The following FOXJ3 variants were observed in gnomAD, a reference collection of about 807,000 sequenced individuals.
FOXJ3 encodes the protein forkhead box J3, also known as forkhead box protein J3.
A neutral mutation model predicts 76.1 loss-of-function variants in FOXJ3; 22 were observed. That is an observed-to-expected ratio of 0.29 (90% CI 0.21 to 0.41). FOXJ3 has a LOEUF of 0.41. Ranked by LOEUF, FOXJ3 falls within the 10% of genes least tolerant of loss-of-function variation. The pLI is 1.00. For synonymous variants in FOXJ3, 269 were observed against 261.2 expected (o/e 1.03, Z -0.29); for missense variants, 613 against 762.1 (o/e 0.80, Z 2.30).
chr1:42,201,220 T>A (rs914100412), intron 6 of FOXJ3, among the ~76,000 whole-genome samples: 1 of 152,230 alleles, frequency 6.6e-6, no homozygotes, highest in African/African-American at 2.4e-5. Flanking sequence ...TTCCAAACTT[T>A]ATGCTTTTTA....
intron 5 of FOXJ3, among the ~76,000 whole-genome samples, chr1:42,214,982 T>TG (rs1011588976): frequency 2.0e-5 from 3 of 152,228 alleles, no homozygotes; most frequent in African/African-American, 7.2e-5. Context: ...AAGCTTACAG[T>TG]GTAACACAGT....
In FOXJ3 at chr1:42,179,840, G is replaced by C; in HGVS notation, c.1754-15C>G. 1 of 1,536,626 alleles carries C rather than the reference G, an allele frequency of 6.5e-7. No homozygotes were observed. ...TCTGTGATGGCCTGGAAGGAAAGAG[G>C]CAATAATAGCAGCGACTTGGGTAGA... On this transcript the variant is annotated splice_polypyrimidine_tract_variant and intron_variant, in intron 12 of 12. Coordinates refer to ENST00000361346, the MANE Select transcript of FOXJ3 (RefSeq NM_014947.5).
chr1:42,257,737 C>CA lies in FOXJ3; in HGVS notation c.444+7377dup, dbSNP rs10660267. On this transcript the variant is annotated intron_variant, in intron 4 of 12. Coordinates refer to ENST00000361346, the MANE Select transcript of FOXJ3 (RefSeq NM_014947.5). ...TGGGTGATGGAGTGAGACTCTGTCT[C>CA]AAAAAAAAAAAAAGAAAGAAAAGAA... 1.7e-3 allele frequency among the ~76,000 whole-genome samples: 224 copies of CA among 131,938 alleles called. 7 individuals carry two copies. Among genetic ancestry groups the CA allele is most frequent in the East Asian group, 4.1e-3 (19 of 4,610 alleles). The allele number at this position is 131,938 out of a possible 152,430, so 86.6% of individuals were successfully genotyped here.
intron 1 of FOXJ3, among the ~76,000 whole-genome samples, chr1:42,328,676 ATT>A (rs35507698): frequency 0.12 from 13,621 of 115,072 alleles, 480 homozygotes; most frequent in Admixed American, 0.19. Context: ...TACTTATCCT[ATT>A]TTTTTTTTTT....
At position 42,199,104 on chromosome 1, in the gene FOXJ3, G is replaced by T. The variant is rs781406326; in HGVS notation, c.757C>A (p.Pro253Thr). The T allele has an allele frequency of 5.0e-6, 8 of 1,612,374 alleles. No homozygotes were observed. The highest frequency in any genetic ancestry group is 6.8e-6 in the Non-Finnish European group (8 of 1,178,588). ...NSVGSVHSYT[P>T]VTSHPESVSQ... is the part of the protein sequence containing the mutation. ...ATGTTAACTTCATCAAGACTTACCG[G>T]TGTATAACTATGCACACTTCCAACA... The change falls in exon 7 of 13, where the codon CCG becomes ACG. Residue 253 changes from proline (P) to threonine (T), a missense_variant and splice_region_variant. By Grantham distance (38) the Pro-to-Thr change is conservative (BLOSUM62 -1). Transcript: ENST00000361346.
chr1:42,317,225 T>A (rs1655169857), intron 1 of FOXJ3, among the ~76,000 whole-genome samples: 1 of 152,116 alleles, frequency 6.6e-6, no homozygotes, highest in African/African-American at 2.4e-5. Flanking sequence ...TTTCAGATTA[T>A]TATACCATTA....
chr1:42,289,050 T>C (rs1353138500), intron 2 of FOXJ3, among the ~76,000 whole-genome samples: 1 of 152,064 alleles, frequency 6.6e-6, no homozygotes, highest in Admixed American at 6.6e-5. Context: ...TAATTTGTAA[T>C]ACAATAAATA....
At chr1:42,252,306 T>C (rs1251153057) in intron 4 of FOXJ3, among the ~76,000 whole-genome samples, 4 of 152,212 alleles carry the variant, frequency 2.6e-5, no homozygotes, top group Admixed American at 1.3e-4. Context: ...TCAGATCCTG[T>C]TATTGGTCTA....
intron 1 of FOXJ3, among the ~76,000 whole-genome samples, chr1:42,317,405 G>A (rs540280328): frequency 1.3e-5 from 2 of 151,494 alleles, no homozygotes; most frequent in South Asian, 2.1e-4. Context: ...GGTGCATCTT[G>A]AGCTAAGAAG....
chr1:42,310,898 T>C (rs1557716727), intron 2 of FOXJ3, 152 bp downstream of exon 2: 1 of 537,410 alleles, frequency 1.9e-6, no homozygotes, highest in Admixed American at 3.8e-5. Flanking sequence ...AGCAGAAATA[T>C]CATTCCATTC....
intron 4 of FOXJ3, among the ~76,000 whole-genome samples, chr1:42,255,684 C>T (rs938518674): frequency 6.6e-6 from 1 of 152,096 alleles, no homozygotes; most frequent in Non-Finnish European, 1.5e-5. Flanking sequence ...GCTGGAATGG[C>T]TAAATTAGTA....
intron 1 of FOXJ3, among the ~76,000 whole-genome samples, chr1:42,312,872 T>C (rs1392905527): frequency 6.6e-6 from 1 of 152,184 alleles, no homozygotes; most frequent in Admixed American, 6.5e-5. Flanking sequence ...TCCAGGACTA[T>C]GACAGCAGCA....
At chr1:42,333,243 TA>T (rs1438847274) in intron 1 of FOXJ3, among the ~76,000 whole-genome samples, 1 of 151,770 alleles carries the variant, frequency 6.6e-6, no homozygotes, top group African/African-American at 2.4e-5. Flanking sequence ...CTGTACCAGA[TA>T]AAAGGAAAAA....
At chr1:42,319,583 C>T (rs1480607683) in intron 1 of FOXJ3, among the ~76,000 whole-genome samples, 1 of 152,156 alleles carries the variant, frequency 6.6e-6, no homozygotes, top group Non-Finnish European at 1.5e-5. Flanking sequence ...TAAAATTAGA[C>T]TGTAGCAATG....
chr1:42,201,679 C>A (rs180722328), intron 6 of FOXJ3, among the ~76,000 whole-genome samples: 98 of 152,196 alleles, frequency 6.4e-4, no homozygotes, highest in Non-Finnish European at 1.3e-3. Flanking sequence ...TGAAAATTTC[C>A]TTTCTTGTAA....
At chr1:42,292,328 G>T (rs1653490862) in intron 2 of FOXJ3, among the ~76,000 whole-genome samples, 1 of 152,294 alleles carries the variant, frequency 6.6e-6, no homozygotes, top group South Asian at 2.1e-4. Flanking sequence ...AAGGACAACG[G>T]CTTGGCAGTT....
At chr1:42,182,083 G>A in intron 11 of FOXJ3, 59 bp from the exon 12 acceptor site, 3 of 920,680 alleles carry the variant, frequency 3.3e-6, no homozygotes, top group African/African-American at 1.6e-5. Context: ...AACAAATGGA[G>A]CACTAAAATC....
chr1:42,228,531 T>C (rs1315228586), intron 4 of FOXJ3, among the ~76,000 whole-genome samples: 1 of 142,922 alleles, frequency 7.0e-6, no homozygotes, highest in African/African-American at 2.6e-5. Flanking sequence ...ATGGAGCACC[T>C]ACTGTGTTCC....
intron 3 of FOXJ3, among the ~76,000 whole-genome samples, chr1:42,274,810 AC>A (rs1224525044): frequency 6.6e-6 from 1 of 152,068 alleles, no homozygotes; most frequent in Non-Finnish European, 1.5e-5. Context: ...AACACAAGAG[AC>A]TGATTCTATA....
Sources: allele counts gnomAD v4.1 joint callset (sites outside exome capture counted in the v4.1 genomes callset), GRCh38; gene constraint gnomAD v4.1.1; transcripts MANE v1.5; gene names NCBI Gene and HGNC (gene_info 2026-07-23, HGNC 2026-07-21).